The following COMMD1 variants were observed in gnomAD, a reference collection of about 807,000 sequenced individuals.
The protein encoded by COMMD1 is COMM domain-containing protein 1.
Under a neutral mutation model 17.2 loss-of-function variants are expected in COMMD1, and 10 were observed. That is an observed-to-expected ratio of 0.58 (90% CI 0.36 to 0.99). COMMD1 has a LOEUF of 0.99. COMMD1 is among the 50% of genes least tolerant of loss of function. The probability of loss-of-function intolerance (pLI) is 0.01; values close to 1 mark genes in which losing one functional copy is unlikely to be tolerated. For synonymous variants in COMMD1, 97 were observed against 91.6 expected, an observed-to-expected ratio of 1.06 and a Z score of -0.34; for missense variants, 270 against 231.8, an observed-to-expected ratio of 1.17 and a Z score of -1.07.
chr2:62,097,661 G>A (rs1672048648), intron 2 of COMMD1, among the ~76,000 whole-genome samples: 1 of 152,164 alleles, frequency 6.6e-6, no homozygotes, highest in Non-Finnish European at 1.5e-5. Context: ...TGCCTCACTA[G>A]TCCTCCTAAT....
chr2:61,959,619 A>G (rs539023440), intron 1 of COMMD1, among the ~76,000 whole-genome samples: 1 of 152,334 alleles, frequency 6.6e-6, no homozygotes, highest in Non-Finnish European at 1.5e-5. Flanking sequence ...AAGCTCTATT[A>G]CTGAATTGGC....
intron 1 of COMMD1, among the ~76,000 whole-genome samples, chr2:61,922,398 A>C (rs906426082): frequency 1.3e-5 from 2 of 152,066 alleles, no homozygotes; most frequent in Admixed American, 6.5e-5. Context: ...GCTCACTGCA[A>C]CCTCTGCCTT....
chr2:62,029,950 C>T (rs552661177), intron 2 of COMMD1, among the ~76,000 whole-genome samples: 12 of 152,340 alleles, frequency 7.9e-5, no homozygotes, highest in African/African-American at 2.9e-4. Context: ...CGAGAGCCTT[C>T]AGAACAAAGA....
intron 1 of COMMD1, among the ~76,000 whole-genome samples, chr2:61,911,291 A>G (rs370242346): frequency 2.6e-5 from 4 of 151,764 alleles, no homozygotes; most frequent in African/African-American, 9.7e-5. Context: ...CCTGGCCAAC[A>G]TGGTGAAACC....
At chr2:61,913,271 G>A (rs1215652611) in intron 1 of COMMD1, among the ~76,000 whole-genome samples, 1 of 151,112 alleles carries the variant, frequency 6.6e-6, no homozygotes, top group Non-Finnish European at 1.5e-5. Flanking sequence ...GGAAGCTGAG[G>A]CAGGAGAATC....
chr2:61,910,275 G>T (rs1669871555), intron 1 of COMMD1, among the ~76,000 whole-genome samples: 1 of 151,184 alleles, frequency 6.6e-6, no homozygotes, highest in Non-Finnish European at 1.5e-5. Flanking sequence ...TTTTAAGACG[G>T]AGTCTCACTC....
chr2:62,077,048 T>C (rs778921991), intron 2 of COMMD1, among the ~76,000 whole-genome samples: 37 of 152,136 alleles, frequency 2.4e-4, no homozygotes, highest in Non-Finnish European at 4.0e-4. Flanking sequence ...GCAAGATCGT[T>C]TGAGCCTGGG....
chr2:62,063,445 C>T (rs907622112), intron 2 of COMMD1, among the ~76,000 whole-genome samples: 1 of 152,080 alleles, frequency 6.6e-6, no homozygotes, highest in African/African-American at 2.4e-5. Context: ...CCGCCTCAGC[C>T]TCCCAAAGTG....
At chr2:62,047,920 GT>G (rs1318950813) in intron 2 of COMMD1, among the ~76,000 whole-genome samples, 1 of 152,090 alleles carries the variant, frequency 6.6e-6, no homozygotes, top group Non-Finnish European at 1.5e-5. Flanking sequence ...TGCTGTACAG[GT>G]TTATACCCTA....
intron 2 of COMMD1, among the ~76,000 whole-genome samples, chr2:62,016,588 A>G (rs1669456738): frequency 6.7e-6 from 1 of 149,358 alleles, no homozygotes; most frequent in Non-Finnish European, 1.5e-5. Context: ...GTTGAGTTGT[A>G]GGAGTTTTTT....
intron 1 of COMMD1, among the ~76,000 whole-genome samples, chr2:61,917,585 T>A (rs1670082087): frequency 6.6e-6 from 1 of 152,162 alleles, no homozygotes; most frequent in African/African-American, 2.4e-5. Flanking sequence ...TGGACTGCAG[T>A]GCCGTGATCT....
chr2:62,114,200 G>C (rs532755812), intron 2 of COMMD1, among the ~76,000 whole-genome samples: 1 of 152,270 alleles, frequency 6.6e-6, no homozygotes, highest in South Asian at 2.1e-4. Flanking sequence ...TCTCGAGGTG[G>C]GTTTGTACTT....
chr2:62,044,045 T>C (rs1348901494), intron 2 of COMMD1, among the ~76,000 whole-genome samples: 2 of 152,216 alleles, frequency 1.3e-5, no homozygotes, highest in Admixed American at 1.3e-4. Context: ...GATCCTCATG[T>C]AGTAAAGTTT....
At chr2:61,947,194 A>T (rs998480233) in intron 1 of COMMD1, among the ~76,000 whole-genome samples, 5 of 152,198 alleles carry the variant, frequency 3.3e-5, no homozygotes, top group Non-Finnish European at 7.3e-5. Flanking sequence ...AATAAGTACT[A>T]AAAGCATATA....
At chr2:61,985,119 C>T (rs574525806) in intron 1 of COMMD1, among the ~76,000 whole-genome samples, 8 of 150,818 alleles carry the variant, frequency 5.3e-5, no homozygotes, top group African/African-American at 9.7e-5. Flanking sequence ...GGCACGATCT[C>T]GGCTCACTGC....
chr2:62,009,820 C>T (rs963644294), intron 2 of COMMD1, among the ~76,000 whole-genome samples: 1 of 151,868 alleles, frequency 6.6e-6, no homozygotes, highest in Admixed American at 6.6e-5. Context: ...CTAAGAAAAA[C>T]CCCTTTTAAA....
chr2:61,975,124 T>TC (rs977938122), intron 1 of COMMD1, among the ~76,000 whole-genome samples: 1 of 145,110 alleles, frequency 6.9e-6, no homozygotes, highest in Non-Finnish European at 1.5e-5. Context: ...CTTTCTTTTT[T>TC]TTTTTTTTTT....
At chr2:61,910,256 C>G (rs1025143496) in intron 1 of COMMD1, among the ~76,000 whole-genome samples, 1 of 151,680 alleles carries the variant, frequency 6.6e-6, no homozygotes, top group African/African-American at 2.4e-5. Flanking sequence ...ACACTGCCCC[C>G]CCCTTTTTTT....
intron 2 of COMMD1, among the ~76,000 whole-genome samples, chr2:62,012,947 GGAAGA>G (rs1463149383): frequency 6.6e-6 from 1 of 152,114 alleles, no homozygotes; most frequent in East Asian, 1.9e-4. Flanking sequence ...GGCAGCCCCA[GGAAGA>G]TCTGGGGGCA....
Sources: allele counts gnomAD v4.1 joint callset (sites outside exome capture counted in the v4.1 genomes callset), GRCh38; gene constraint gnomAD v4.1.1; transcripts MANE v1.5; gene names NCBI Gene and HGNC (gene_info 2026-07-23, HGNC 2026-07-21).